The following RXFP1 variants were observed in gnomAD, a reference collection of about 807,000 sequenced individuals.
RXFP1 encodes the protein relaxin receptor 1.
A neutral mutation model predicts 89.8 loss-of-function variants in RXFP1; 73 were observed. The ratio of observed to expected loss-of-function variants is 0.81; its 90% CI spans 0.67 to 0.99. RXFP1 has a LOEUF of 0.99. Among genes scored for constraint, RXFP1 ranks in the 50% least tolerant of loss-of-function variants. The pLI, the probability that RXFP1 is intolerant of heterozygous loss-of-function variation, is 0.00. For missense variants in RXFP1, 793 were observed against 895.5 expected (o/e 0.89, Z 1.46); for synonymous variants, 277 against 305.5 (o/e 0.91, Z 0.97).
intron 4 of RXFP1, among the ~76,000 whole-genome samples, chr4:158,604,847 A>G (rs1762291624): frequency 6.6e-6 from 1 of 152,104 alleles, no homozygotes; most frequent in African/African-American, 2.4e-5. Flanking sequence ...TGTCAGAATT[A>G]CAGTCATAAC....
intron 1 of RXFP1, among the ~76,000 whole-genome samples, chr4:158,542,911 TC>T (rs1318735423): frequency 6.6e-6 from 1 of 151,840 alleles, no homozygotes; most frequent in East Asian, 1.9e-4. Context: ...TCACATAAAG[TC>T]CATATGGACA....
intron 2 of RXFP1, among the ~76,000 whole-genome samples, chr4:158,589,766 T>C (rs1759053491): frequency 6.6e-6 from 1 of 152,116 alleles, no homozygotes; most frequent in South Asian, 2.1e-4. Context: ...TTAAAAGATA[T>C]GACAGACGGA....
At chr4:158,613,190 A>G (rs1763897492) in intron 8 of RXFP1, among the ~76,000 whole-genome samples, 1 of 152,206 alleles carries the variant, frequency 6.6e-6, no homozygotes, top group South Asian at 2.1e-4. Flanking sequence ...GCGAGTCATA[A>G]TCTTTTTGCT....
At chr4:158,630,999 G>A (rs1767922673) in intron 11 of RXFP1, among the ~76,000 whole-genome samples, 1 of 152,172 alleles carries the variant, frequency 6.6e-6, no homozygotes, top group South Asian at 2.1e-4. Context: ...AGTTTACAAG[G>A]TGTTTCCTGA....
intron 15 of RXFP1, among the ~76,000 whole-genome samples, chr4:158,645,648 G>A (rs901783608): frequency 3.3e-5 from 5 of 151,996 alleles, no homozygotes; most frequent in East Asian, 1.9e-4. Context: ...AAAAGTGTGC[G>A]CAATGTAATG....
chr4:158,532,667 C>T (rs1381321271), intron 1 of RXFP1, among the ~76,000 whole-genome samples: 2 of 152,156 alleles, frequency 1.3e-5, no homozygotes, highest in Admixed American at 6.5e-5. Flanking sequence ...TCCACATTGT[C>T]CTCCAGCTAA....
intron 8 of RXFP1, among the ~76,000 whole-genome samples, chr4:158,615,860 G>C (rs999566113): frequency 6.6e-6 from 1 of 152,098 alleles, no homozygotes; most frequent in African/African-American, 2.4e-5. Context: ...GCTGAGACAG[G>C]AGAATCACCT....
chr4:158,563,044 T>C (rs1752823108), intron 1 of RXFP1, among the ~76,000 whole-genome samples: 1 of 152,216 alleles, frequency 6.6e-6, no homozygotes, highest in African/African-American at 2.4e-5. Flanking sequence ...TGATGTTTCT[T>C]TATGCAGGCG....
chr4:158,650,697 A>T (rs1195202708), intron 17 of RXFP1, among the ~76,000 whole-genome samples: 1 of 151,984 alleles, frequency 6.6e-6, no homozygotes, highest in Non-Finnish European at 1.5e-5. Flanking sequence ...TGAACTTGGG[A>T]GGCAGAGACT....
chr4:158,567,712 T>C (rs1381429148), intron 1 of RXFP1, among the ~76,000 whole-genome samples: 1 of 152,168 alleles, frequency 6.6e-6, no homozygotes, highest in African/African-American at 2.4e-5. Context: ...GGAGAACTTT[T>C]GTGTCTAGCT....
At chr4:158,649,981 G>A (rs897370159) in intron 17 of RXFP1, among the ~76,000 whole-genome samples, 4 of 152,208 alleles carry the variant, frequency 2.6e-5, no homozygotes, top group African/African-American at 9.6e-5. Flanking sequence ...AAAGTTAGAA[G>A]CAATACAAAT....
At chr4:158,645,474 T>G (rs1771341425) in intron 15 of RXFP1, among the ~76,000 whole-genome samples, 2 of 152,292 alleles carry the variant, frequency 1.3e-5, no homozygotes, top group Non-Finnish European at 2.9e-5. Context: ...ATGGTCACAA[T>G]TTTACATGCA....
chr4:158,636,409 T>G (rs568117350), intron 12 of RXFP1, among the ~76,000 whole-genome samples: 1 of 152,332 alleles, frequency 6.6e-6, no homozygotes, highest in African/African-American at 2.4e-5. Flanking sequence ...GTGAAGTAGA[T>G]GCGGCTCTTT....
intron 8 of RXFP1, among the ~76,000 whole-genome samples, chr4:158,614,357 T>C (rs1764132382): frequency 6.6e-6 from 1 of 152,212 alleles, no homozygotes; most frequent in South Asian, 2.1e-4. Flanking sequence ...GTATGGAATA[T>C]TTTTTCAATA....
intron 1 of RXFP1, among the ~76,000 whole-genome samples, chr4:158,564,823 A>G (rs1160242162): frequency 6.6e-6 from 1 of 152,158 alleles, no homozygotes; most frequent in East Asian, 1.9e-4. Context: ...ACTGTGAATT[A>G]TTGCTGTTCT....
chr4:158,581,960 G>A (rs1757453489), intron 2 of RXFP1, among the ~76,000 whole-genome samples: 1 of 152,180 alleles, frequency 6.6e-6, no homozygotes, highest in South Asian at 2.1e-4. Flanking sequence ...TAGCGAGAGA[G>A]GAAGCAAGAG....
chr4:158,591,283 G>T (rs142532055), intron 2 of RXFP1, among the ~76,000 whole-genome samples: 1 of 152,256 alleles, frequency 6.6e-6, no homozygotes, highest in African/African-American at 2.4e-5. Context: ...TATATATGCC[G>T]ACTCTTTCAA....
At position 158,559,570 on chromosome 4, in the gene RXFP1, A is replaced by T. The variant is rs532147823; in HGVS notation, c.50-13128A>T. Among the ~76,000 whole-genome samples, 80 of 152,198 alleles carry T rather than the reference A, an allele frequency of 5.3e-4. 1 individual carries two copies. Among genetic ancestry groups the T allele is most frequent in the African/African-American group, 1.6e-3 (65 of 41,514 alleles). ...ACCAGGAATAGATGTGATTTAAAAA[A>T]TTTTTTCATATACCTATTACTTATC... On this transcript the variant is annotated intron_variant, in intron 1 of 17. Transcript: ENST00000307765.
At chr4:158,574,856 T>C (rs1755875619) in intron 2 of RXFP1, among the ~76,000 whole-genome samples, 1 of 152,228 alleles carries the variant, frequency 6.6e-6, no homozygotes, top group Non-Finnish European at 1.5e-5. Flanking sequence ...CAATTGTATT[T>C]GATTTGGATG....
Sources: gnomAD v4.1 joint callset for allele counts (sites outside exome capture counted in the v4.1 genomes callset) on GRCh38, gnomAD v4.1.1 for gene constraint, MANE v1.5 for transcripts, NCBI Gene and HGNC (gene_info 2026-07-23, HGNC 2026-07-21) for gene names.